LIN54: variants seen among roughly 807,000 people sequenced by gnomAD.
The protein encoded by LIN54 is protein lin-54 homolog.
Under a neutral mutation model 78.7 loss-of-function variants are expected in LIN54, and 9 were observed. The ratio of observed to expected loss-of-function variants is 0.11; its 90% CI spans 0.07 to 0.20. The LOEUF is 0.20. Ranked by LOEUF, LIN54 falls within the 10% of genes least tolerant of loss-of-function variation. The pLI is 1.00. For synonymous variants in LIN54, 269 were observed against 318.4 expected, an observed-to-expected ratio of 0.84 and a Z score of 1.65; for missense variants, 573 against 889.9, an observed-to-expected ratio of 0.64 and a Z score of 4.53.
chr4:82,966,120 G>C (rs572416773), intron 4 of LIN54, among the ~76,000 whole-genome samples: 2 of 151,324 alleles, frequency 1.3e-5, no homozygotes, highest in Non-Finnish European at 2.9e-5. Context: ...TTTTCTTTTC[G>C]CTCTACATAC....
chr4:82,962,947 T>C (rs981853435), intron 4 of LIN54, among the ~76,000 whole-genome samples: 1 of 152,024 alleles, frequency 6.6e-6, no homozygotes, highest in African/African-American at 2.4e-5. Context: ...CCAAGTTTTC[T>C]GAAAGTAAAA....
rs941600107 is a variant in LIN54, at chr4:82,926,166, A to G, written c.*1936T>C. ...TTCTGCACACTGTATATAAATACACATCACAAAGGTGCAATTAGAATTAAC... is the reference window on the plus strand; with the variant it reads ...TTCTGCACACTGTATATAAATACACGTCACAAAGGTGCAATTAGAATTAAC... On this transcript the variant is annotated 3_prime_UTR_variant, in exon 13 of 13. Coordinates refer to ENST00000340417, the MANE Select transcript of LIN54 (RefSeq NM_194282.4). 1 of 152,652 alleles carries G rather than the reference A, an allele frequency of 6.6e-6. No individual in the cohort carries two copies. The highest frequency in any genetic ancestry group is 2.4e-5 in the African/African-American group (1 of 41,468). 9.5% of individuals were successfully genotyped at this position (152,652 alleles called of 1,614,324 possible).
intron 2 of LIN54, among the ~76,000 whole-genome samples, chr4:82,979,349 C>G (rs1726429202): frequency 6.6e-6 from 1 of 151,940 alleles, no homozygotes; most frequent in Admixed American, 6.6e-5. Flanking sequence ...TAACAAATTA[C>G]TCAATAATAA....
chr4:82,963,906 AT>A (rs1395130500), intron 4 of LIN54, among the ~76,000 whole-genome samples: 3 of 152,212 alleles, frequency 2.0e-5, no homozygotes, highest in Admixed American at 2.0e-4. Flanking sequence ...ATGTTATATA[AT>A]CACTTTGCTA....
At chr4:82,946,036 T>C (rs1723325194) in intron 5 of LIN54, among the ~76,000 whole-genome samples, 1 of 152,310 alleles carries the variant, frequency 6.6e-6, no homozygotes, top group South Asian at 2.1e-4. Context: ...TAACAAATAA[T>C]TACTATTATC....
chr4:82,969,929 C>G (rs1725505095), intron 4 of LIN54, among the ~76,000 whole-genome samples: 1 of 130,646 alleles, frequency 7.7e-6, no homozygotes, highest in Non-Finnish European at 1.6e-5. Context: ...GTCCTGTTAC[C>G]AAGCAAAAGT....
At position 82,984,487 on chromosome 4, in the gene LIN54, C is replaced by T; in HGVS notation, c.358G>A (p.Val120Ile). Residue 120 changes from valine to isoleucine, a missense_variant, in exon 2 of 13, where the codon GTA (valine) becomes ATA (isoleucine). Val to Ile is a conservative substitution (Grantham distance 29). Transcript: ENST00000340417. ...AGTTTAAGATCAGATGTCTGTGATA[C>T]TTTGTTTAAAATAATCTGATTGGCT... Reference protein sequence around the residue: ...ISANQIILNKVSQTSDLKLGN... With the variant: ...ISANQIILNKISQTSDLKLGN... 6.2e-7 allele frequency: 1 copy of T among 1,614,176 alleles called. No homozygotes were observed. Among genetic ancestry groups the T allele is most frequent in the African/African-American group, 1.3e-5 (1 of 75,044 alleles).
At chr4:82,980,242 A>G (rs1291949196) in intron 2 of LIN54, among the ~76,000 whole-genome samples, 1 of 152,168 alleles carries the variant, frequency 6.6e-6, no homozygotes, top group Non-Finnish European at 1.5e-5. Context: ...AAGTTAAAAG[A>G]AGAAATTTAC....
At chr4:82,964,568 T>A (rs1348688367) in intron 4 of LIN54, among the ~76,000 whole-genome samples, 1 of 152,204 alleles carries the variant, frequency 6.6e-6, no homozygotes, top group East Asian at 1.9e-4. Flanking sequence ...TCTGCAGGTA[T>A]TAAGACTGTC....
chr4:82,986,209 A>G (rs1329154393), intron 1 of LIN54, among the ~76,000 whole-genome samples: 1 of 151,634 alleles, frequency 6.6e-6, no homozygotes, highest in Non-Finnish European at 1.5e-5. Context: ...TCCACCTCCC[A>G]GGTTCAAGCG....
chr4:82,966,753 G>C (rs1239805813), intron 4 of LIN54, among the ~76,000 whole-genome samples: 2 of 152,056 alleles, frequency 1.3e-5, no homozygotes, highest in Admixed American at 1.3e-4. Flanking sequence ...CAAGTGGCTA[G>C]GATGTGCCAC....
At chr4:82,935,095 G>C (rs949183597) in intron 11 of LIN54, among the ~76,000 whole-genome samples, 1 of 151,996 alleles carries the variant, frequency 6.6e-6, no homozygotes, top group African/African-American at 2.4e-5. Context: ...TCATCCAGCA[G>C]AATGCCAGAT....
chr4:82,992,476 A>ATATATCAAAC (rs1199317149), intron 1 of LIN54, among the ~76,000 whole-genome samples: 4 of 151,988 alleles, frequency 2.6e-5, no homozygotes, highest in Non-Finnish European at 4.4e-5. Flanking sequence ...TGGGTTTGAG[A>ATATATCAAAC]CCAGTCGGGA....
In LIN54 at chr4:82,940,070, G is replaced by T. The variant is rs992578742; in HGVS notation, c.1169-108C>A. The stretch of plus-strand genomic sequence containing the variant: ...AGTTATTCTCATAAAAGAGCTTAAA[G>T]AATTCCATTTGATTCCTAATTTGAG... On this transcript the variant is annotated intron_variant, in intron 5 of 12. Coordinates refer to ENST00000340417, the MANE Select transcript of LIN54 (RefSeq NM_194282.4). The T allele has an allele frequency of 6.4e-6, 5 of 777,636 alleles. No homozygotes were observed. The East Asian group carries it at 1.3e-4, about 20-fold the overall frequency. The allele number at this position is 777,636 out of a possible 1,614,324, so 48.2% of individuals were successfully genotyped here.
intron 1 of LIN54, among the ~76,000 whole-genome samples, chr4:82,990,464 C>T (rs1423421379): frequency 6.6e-6 from 1 of 151,956 alleles, no homozygotes; most frequent in East Asian, 1.9e-4. Flanking sequence ...ACTTAGGAAC[C>T]CTGAGCTTAG....
chr4:83,002,461 A>G (rs1459040999), intron 1 of LIN54, among the ~76,000 whole-genome samples: 2 of 146,470 alleles, frequency 1.4e-5, no homozygotes, highest in Non-Finnish European at 3.0e-5. Flanking sequence ...GGGAAGGAGG[A>G]AGGAGGGAGG....
intron 7 of LIN54, 49 bp downstream of exon 7, chr4:82,939,490 G>T: frequency 6.9e-7 from 1 of 1,451,130 alleles, no homozygotes; most frequent in African/African-American, 1.4e-5. Context: ...AGACATCTTG[G>T]ACCCCATTAT....
chr4:82,980,550 T>C (rs1019936293), intron 2 of LIN54, among the ~76,000 whole-genome samples: 3 of 96,314 alleles, frequency 3.1e-5, no homozygotes, highest in Non-Finnish European at 6.1e-5. Context: ...ACCAACTGTA[T>C]ATAAAATACA....
chr4:82,963,755 A>G (rs1724989438), intron 4 of LIN54, among the ~76,000 whole-genome samples: 1 of 152,160 alleles, frequency 6.6e-6, no homozygotes, highest in Admixed American at 6.5e-5. Context: ...AACTTCAATT[A>G]ACCAAAAAAG....
Sources: gnomAD v4.1 joint callset for allele counts (sites outside exome capture counted in the v4.1 genomes callset) on GRCh38, gnomAD v4.1.1 for gene constraint, MANE v1.5 for transcripts, NCBI Gene and HGNC (gene_info 2026-07-23, HGNC 2026-07-21) for gene names.